RNPEP: variants seen among roughly 807,000 people sequenced by gnomAD.
RNPEP encodes arginyl aminopeptidase, also known as aminopeptidase B.
RNPEP carries 57 observed loss-of-function variants against 70.1 expected under a neutral mutation model. The observed-to-expected ratio is 0.81, with a 90% confidence interval of 0.66 to 1.01. RNPEP has a LOEUF of 1.01. Among genes scored for constraint, RNPEP ranks in the 50% least tolerant of loss-of-function variants. The probability of loss-of-function intolerance (pLI) is 0.00; values close to 1 mark genes in which losing one functional copy is unlikely to be tolerated. For synonymous variants in RNPEP, 335 were observed against 357.4 expected (o/e 0.94, Z 0.71); for missense variants, 787 against 852.4 (o/e 0.92, Z 0.96).
At chr1:202,002,085 C>T (rs556618609) in intron 8 of RNPEP, among the ~76,000 whole-genome samples, 9 of 152,132 alleles carry the variant, frequency 5.9e-5, no homozygotes, top group East Asian at 1.9e-4. Context: ...AGGGCAGGAG[C>T]GGAGGCAGCA....
In RNPEP at chr1:202,003,404, A is replaced by T; in HGVS notation, c.1594A>T (p.Thr532Ser). ...AGCCGTGGCCATCTCTCCCTGGAAG[A>T]CCTACCAGCTGGTCTACTTCCTGGA... ...IEAVAISPWK[T>S]YQLVYFLDKI... Residue 532 changes from threonine (T) to serine (S), a missense_variant, in exon 9 of 11, where the codon ACC (threonine) becomes TCC (serine). Physicochemically the swap from Thr to Ser is moderately conservative, Grantham distance 58 (BLOSUM62 1). Coordinates refer to ENST00000295640, the MANE Select transcript of RNPEP (RefSeq NM_020216.4). 6.2e-7 allele frequency: 1 copy of T among 1,614,102 alleles called. No homozygotes were observed. The highest frequency in any genetic ancestry group is 8.5e-7 in the Non-Finnish European group (1 of 1,180,008).
intron 1 of RNPEP, chr1:201,983,540 T>C: frequency 3.0e-6 from 4 of 1,316,038 alleles, no homozygotes; most frequent in South Asian, 1.2e-5. Context: ...AGCCACCTTA[T>C]CTCTGCTTTA....
intron 3 of RNPEP, among the ~76,000 whole-genome samples, chr1:201,993,704 G>A (rs537292225): frequency 2.0e-5 from 3 of 152,132 alleles, no homozygotes; most frequent in Admixed American, 6.5e-5. Context: ...GTGTGAACCC[G>A]GGAGGTGGAG....
Position 201,989,390 on chromosome 1 carries a change from A to G in RNPEP, c.596A>G (p.Asp199Gly), listed in dbSNP as rs538670598. Residue 199 changes from aspartate (D) to glycine (G), a missense_variant, in exon 3 of 11, where the codon GAT becomes GGT. Transcript: ENST00000295640. ...AGCTTTCTCTGTTGTCAGGTCCCAG[A>G]TGGCTTCACAGCTGTGATGAGTGCT... ...YKYSALIEVP[D>G]GFTAVMSAST... 23 of 1,614,030 alleles carry G rather than the reference A, an allele frequency of 1.4e-5. No individual in the cohort carries two copies. The highest frequency in any genetic ancestry group is 1.1e-4 in the South Asian group (10 of 91,032).
intron 5 of RNPEP, among the ~76,000 whole-genome samples, chr1:201,998,259 A>G (rs1209162345): frequency 5.0e-4 from 57 of 113,754 alleles, no homozygotes; most frequent in African/African-American, 1.9e-3. Context: ...TTTGAGACAG[A>G]GTCTTGTTCT....
At chr1:201,986,005 G>A (rs1427950257) in intron 1 of RNPEP, among the ~76,000 whole-genome samples, 1 of 152,208 alleles carries the variant, frequency 6.6e-6, no homozygotes, top group Non-Finnish European at 1.5e-5. Flanking sequence ...ATGGCTCACT[G>A]CAGCCTTGAT....
At chr1:201,990,831 A>G (rs990821381) in intron 3 of RNPEP, among the ~76,000 whole-genome samples, 1 of 152,232 alleles carries the variant, frequency 6.6e-6, no homozygotes, top group Non-Finnish European at 1.5e-5. Context: ...CATCTTTGCA[A>G]TAGACAAGCA....
At chr1:201,987,080 C>T (rs781703586) in intron 1 of RNPEP, among the ~76,000 whole-genome samples, 48 of 152,254 alleles carry the variant, frequency 3.2e-4, no homozygotes, top group Non-Finnish European at 6.2e-4. Context: ...TAAAATAGGT[C>T]TCAGACACTG....
chr1:201,983,914 C>G, intron 1 of RNPEP: 2 of 953,134 alleles, frequency 2.1e-6, no homozygotes, highest in East Asian at 1.1e-4. Flanking sequence ...TCATAGTAAA[C>G]TGCTTGCTTA....
At chr1:201,985,763 G>A (rs940414583) in intron 1 of RNPEP, among the ~76,000 whole-genome samples, 2 of 152,100 alleles carry the variant, frequency 1.3e-5, no homozygotes, top group Non-Finnish European at 2.9e-5. Context: ...AACCAGTACC[G>A]ATACTGGAGT....
intron 1 of RNPEP, among the ~76,000 whole-genome samples, chr1:201,985,017 A>C (rs2102959134): frequency 6.6e-6 from 1 of 150,386 alleles, no homozygotes; most frequent in African/African-American, 2.4e-5. Flanking sequence ...ACATGGTGAA[A>C]CCCTACCTCC....
chr1:201,994,833 A>AT (rs34077790), intron 3 of RNPEP, among the ~76,000 whole-genome samples: 17,049 of 85,098 alleles, frequency 0.2, 2,231 homozygotes, highest in South Asian at 0.45. Context: ...TGTCCTGCTA[A>AT]TTTTTTTTTT....
At chr1:201,996,465 TTGTG>T (rs71281164) in intron 4 of RNPEP, 2,586 of 232,742 alleles carry the variant, frequency 0.011, 2 homozygotes, top group East Asian at 0.017. Context: ...ATGAGGTTCT[TTGTG>T]TGTGTGTGTG....
rs753997786 is a variant in RNPEP, at chr1:201,989,358, T to C, written c.589-25T>C. The stretch of plus-strand genomic sequence containing the variant: ...AAAAGGAAACTCTCTCCAGGTAAAA[T>C]CTCCTAAGCTTTCTCTGTTGTCAGG... On this transcript the variant is annotated intron_variant, in intron 2 of 10. Coordinates refer to ENST00000295640, the MANE Select transcript of RNPEP (RefSeq NM_020216.4). 6 of 1,608,232 alleles carry C rather than the reference T, an allele frequency of 3.7e-6. No individual in the cohort carries two copies. The African/African-American group carries it at 4.0e-5, about 11-fold the overall frequency.
rs865964036 is a variant in RNPEP at position 201,995,895 on chromosome 1, G to T, written c.738-252G>T. On this transcript the variant is annotated intron_variant, in intron 3 of 10. Transcript: ENST00000295640. ...GAGGTTAAATCACTTTTGCAAGATC[G>T]CATTCAGTAGTGAAGCCATAACTGC... The T allele has an allele frequency of 1.7e-5, 7 of 420,096 alleles. No individual in the cohort carries two copies. In the East Asian group the frequency reaches 2.3e-4, roughly 14 times the overall value. 26.0% of individuals were successfully genotyped at this position (420,096 alleles called of 1,614,324 possible). A position where few individuals can be genotyped will look rare whatever the true frequency, so the allele number is the denominator to read the frequency against.
intron 3 of RNPEP, 48 bp from the exon 4 acceptor site, chr1:201,996,098 GC>G (rs777230556): frequency 6.8e-7 from 1 of 1,475,022 alleles, no homozygotes; most frequent in Non-Finnish European, 9.5e-7. Flanking sequence ...TCAGGTCACT[GC>G]GATGGTCTCT....
At chr1:201,993,431 T>C (rs1157940067) in intron 3 of RNPEP, among the ~76,000 whole-genome samples, 1 of 151,960 alleles carries the variant, frequency 6.6e-6, no homozygotes, top group Non-Finnish European at 1.5e-5. Context: ...ACCCCATCTC[T>C]CCTAAAAACA....
At chr1:201,996,405 G>C in intron 4 of RNPEP, 142 bp downstream of exon 4, 2 of 701,878 alleles carry the variant, frequency 2.8e-6, no homozygotes, top group East Asian at 5.1e-5. Context: ...GAGGAAGAGA[G>C]GAGGGTATGA....
At chr1:202,001,301 CTG>C in intron 6 of RNPEP, 73 bp from the exon 7 acceptor site, 1 of 1,011,950 alleles carries the variant, frequency 9.9e-7, no homozygotes, top group African/African-American at 1.6e-5. Context: ...TAGTCTTTGA[CTG>C]TGGAGCTAGA....
Sources: gnomAD v4.1 joint callset for allele counts (sites outside exome capture counted in the v4.1 genomes callset) on GRCh38, gnomAD v4.1.1 for gene constraint, MANE v1.5 for transcripts, NCBI Gene and HGNC (gene_info 2026-07-23, HGNC 2026-07-21) for gene names.